Variants in SBF2 observed in about 807,000 individuals in gnomAD.
The protein encoded by SBF2 is SET binding factor 2, also known as myotubularin-related protein 13.
SBF2 carries 112 observed loss-of-function variants against 225.2 expected under a neutral mutation model. The observed-to-expected ratio is 0.50, with a 90% CI of 0.43 to 0.58. The LOEUF is 0.58. Among genes scored for constraint, SBF2 ranks in the 20% least tolerant of loss-of-function variants. The probability of loss-of-function intolerance (pLI) is 0.00; values close to 1 mark genes in which losing one functional copy is unlikely to be tolerated. For synonymous variants in SBF2, 763 were observed against 773.3 expected (o/e 0.99, Z 0.22); for missense variants, 1,996 against 2,206.2 (o/e 0.90, Z 1.91).
chr11:10,209,749 T>C (rs943162338), intron 1 of SBF2, among the ~76,000 whole-genome samples: 2 of 152,092 alleles, frequency 1.3e-5, no homozygotes, highest in African/African-American at 4.8e-5. Context: ...GCATTCAGTG[T>C]CTCCACTAGG....
Position 9,781,506 on chromosome 11 carries a change from C to T in SBF2, c.5451+1G>A, listed in dbSNP as rs2133841661. ...GGAAAAGAGAAGTAAGATCAACTTA[C>T]ATCAAAGAAAGCCTTGTCACTTGTG... is the stretch of plus-strand genomic sequence containing the variant. On this transcript the variant is annotated splice_donor_variant, in intron 39 of 39. Transcript: ENST00000256190. LOFTEE classifies it high-confidence loss of function. 1 of 1,614,188 alleles carries T rather than the reference C, an allele frequency of 6.2e-7. No individual in the cohort carries two copies. The highest frequency in any genetic ancestry group is 8.5e-7 in the Non-Finnish European group (1 of 1,180,026).
chr11:9,922,524 G>A (rs1040851219), intron 16 of SBF2, among the ~76,000 whole-genome samples: 1 of 152,090 alleles, frequency 6.6e-6, no homozygotes, highest in African/African-American at 2.4e-5. Flanking sequence ...TGCCTAAATA[G>A]AAGTTTACAA....
At chr11:9,914,249 A>T (rs1389873433) in intron 16 of SBF2, among the ~76,000 whole-genome samples, 1 of 152,226 alleles carries the variant, frequency 6.6e-6, no homozygotes, top group Non-Finnish European at 1.5e-5. Context: ...GAAAGATGGA[A>T]ATTCCTAGAA....
At chr11:10,144,357 G>A (rs1443520331) in intron 2 of SBF2, among the ~76,000 whole-genome samples, 1 of 152,030 alleles carries the variant, frequency 6.6e-6, no homozygotes, top group Non-Finnish European at 1.5e-5. Context: ...AGCTGGTGGT[G>A]TGCACCTGTA....
chr11:10,177,658 G>A (rs1353737168), intron 2 of SBF2, among the ~76,000 whole-genome samples: 2 of 151,796 alleles, frequency 1.3e-5, no homozygotes, highest in African/African-American at 2.4e-5. Context: ...CCTCTCCAAG[G>A]AGAACTACAA....
At chr11:10,232,068 G>C (rs1432806776) in intron 1 of SBF2, among the ~76,000 whole-genome samples, 1 of 152,232 alleles carries the variant, frequency 6.6e-6, no homozygotes, top group Admixed American at 6.5e-5. Context: ...TGCTGTGCTA[G>C]CAATGAGCAG....
chr11:9,970,460 C>T (rs1047096912), intron 13 of SBF2, among the ~76,000 whole-genome samples: 1 of 152,270 alleles, frequency 6.6e-6, no homozygotes. Flanking sequence ...CCGCCTCAGC[C>T]TCCCATACAT....
intron 2 of SBF2, among the ~76,000 whole-genome samples, chr11:10,050,904 T>G (rs1181088305): frequency 6.6e-6 from 1 of 152,134 alleles, no homozygotes; most frequent in Non-Finnish European, 1.5e-5. Context: ...TGGACCTCAG[T>G]TGACCATGGG....
chr11:10,204,370 C>T (rs1022505977), intron 1 of SBF2, among the ~76,000 whole-genome samples: 2 of 151,864 alleles, frequency 1.3e-5, no homozygotes, highest in South Asian at 2.1e-4. Flanking sequence ...GGTGTGGTGA[C>T]TCACGCCTGT....
intron 16 of SBF2, among the ~76,000 whole-genome samples, chr11:9,941,136 C>T (rs772019108): frequency 3.3e-5 from 5 of 151,238 alleles, no homozygotes; most frequent in Non-Finnish European, 7.4e-5. Flanking sequence ...AAAGCGAGAC[C>T]CTGTCTCTAC....
At chr11:10,147,215 TGGGTATATACCCAAA>T (rs1399285787) in intron 2 of SBF2, among the ~76,000 whole-genome samples, 65 of 152,292 alleles carry the variant, frequency 4.3e-4, no homozygotes, top group African/African-American at 1.5e-3. Context: ...ATCCCATTAG[TGGGTATATACCCAAA>T]GGAGTATAAC....
Position 10,179,658 on chromosome 11 carries a change from T to C in SBF2, c.141+14244A>G, listed in dbSNP as rs970919650. Among the ~76,000 whole-genome samples, 11 of 152,324 alleles carry C rather than the reference T, an allele frequency of 7.2e-5. No homozygotes were observed. The South Asian group carries it at 1.5e-3, about 20-fold the overall frequency. On this transcript the variant is annotated intron_variant, in intron 2 of 39. Coordinates refer to ENST00000256190, the MANE Select transcript of SBF2 (RefSeq NM_030962.4). ...TATTATTGTACTGGTGTCTATTCTT[T>C]AGCTCTAATAATATTTGCTTTATAT...
intron 25 of SBF2, among the ~76,000 whole-genome samples, chr11:9,840,171 T>C (rs1043643465): frequency 1.1e-4 from 16 of 151,012 alleles, no homozygotes; most frequent in African/African-American, 3.7e-4. Context: ...GAGGTGGAGG[T>C]TGCAGTGAGC....
chr11:9,805,645 C>T lies in SBF2; in HGVS notation c.4443+2355G>A, dbSNP rs113189710. On this transcript the variant is annotated intron_variant, in intron 32 of 39. Coordinates refer to ENST00000256190, the MANE Select transcript of SBF2 (RefSeq NM_030962.4). ...TAGATTTTTTTTTTTTCCCCCAAGA[C>T]GGAGCCTCGCTCTGTCTCCCAGGCT... Among the ~76,000 whole-genome samples the T allele has an allele frequency of 8.4e-3, 1,283 of 151,976 alleles. 21 individuals are homozygous for T. The highest frequency in any genetic ancestry group is 0.027 in the African/African-American group (1,131 of 41,438).
chr11:10,297,817 T>C (rs549535490), upstream of SBF2, among the ~76,000 whole-genome samples: 40 of 152,374 alleles, frequency 2.6e-4, no homozygotes, highest in Admixed American at 1.2e-3. Context: ...TGTATATACA[T>C]GTGAACATAT....
intron 2 of SBF2, among the ~76,000 whole-genome samples, chr11:10,129,100 CTTTTTTT>C (rs757476668): frequency 3.1e-4 from 28 of 89,940 alleles, no homozygotes; most frequent in African/African-American, 6.6e-4. Flanking sequence ...AATTTTCTCT[CTTTTTTT>C]TTTTTTTTTT....
chr11:10,255,270 T>C (rs1447534808), intron 1 of SBF2, among the ~76,000 whole-genome samples: 2 of 152,348 alleles, frequency 1.3e-5, no homozygotes, highest in South Asian at 2.1e-4. Context: ...TAAGTTAATG[T>C]ATATGTTATT....
chr11:9,952,604 T>C (rs1865921989), intron 16 of SBF2, among the ~76,000 whole-genome samples: 1 of 152,230 alleles, frequency 6.6e-6, no homozygotes. Context: ...TCCTCTCCTG[T>C]TCTGCCTGTG....
At chr11:10,131,881 A>T (rs1486107354) in intron 2 of SBF2, among the ~76,000 whole-genome samples, 1 of 152,158 alleles carries the variant, frequency 6.6e-6, no homozygotes, top group Non-Finnish European at 1.5e-5. Context: ...CAATTTAGCA[A>T]TTTTTTATAG....
Sources: gnomAD v4.1 joint callset for allele counts (sites outside exome capture counted in the v4.1 genomes callset) on GRCh38, gnomAD v4.1.1 for gene constraint, MANE v1.5 for transcripts, NCBI Gene and HGNC (gene_info 2026-07-23, HGNC 2026-07-21) for gene names.